Variants in SHOC2 observed in about 807,000 individuals in gnomAD.
SHOC2 encodes SHOC2 leucine rich repeat scaffold protein.
Under a neutral mutation model 50.2 loss-of-function variants are expected in SHOC2, and 4 were observed. That is an observed-to-expected ratio of 0.08 (90% confidence interval 0.04 to 0.18). SHOC2 has a LOEUF of 0.18. Ranked by LOEUF, SHOC2 falls within the 10% of genes least tolerant of loss-of-function variation. The pLI is 1.00. For synonymous variants in SHOC2, 218 were observed against 244.5 expected (o/e 0.89, Z 1.01); for missense variants, 388 against 669.6 (o/e 0.58, Z 4.64).
rs564540609 is a variant in SHOC2 at position 110,936,966 on chromosome 10, G to A, written c.-235+17309G>A. 9.0e-6 allele frequency: 13 copies of A among 1,448,896 alleles called. No homozygotes were observed. The East Asian group carries it at 2.7e-4, about 30-fold the overall frequency. 89.8% of individuals were successfully genotyped at this position (1,448,896 alleles called of 1,614,324 possible). A position where few individuals can be genotyped will look rare whatever the true frequency, so the allele number is the denominator to read the frequency against. ...GCGGCCTGGCCTCGCTTGGTCTTGT[G>A]GGGCAGCATACTTCGCACAGTCAGC... On this transcript the variant is annotated intron_variant, in intron 1 of 8. Coordinates refer to ENST00000369452, the MANE Select transcript of SHOC2 (RefSeq NM_007373.4).
At chr10:110,983,413 G>A in intron 2 of SHOC2, among the ~76,000 whole-genome samples, 1 of 151,866 alleles carries the variant, frequency 6.6e-6, no homozygotes, top group East Asian at 1.9e-4. Flanking sequence ...TTAGATTACT[G>A]ATTTGAGATC....
chr10:110,996,262 C>T (rs1037726888), intron 3 of SHOC2, among the ~76,000 whole-genome samples: 1 of 152,180 alleles, frequency 6.6e-6, no homozygotes, highest in Non-Finnish European at 1.5e-5. Flanking sequence ...GGTGCAGTGG[C>T]TCACGCCTGT....
chr10:110,977,901 T>G (rs1341642830), intron 2 of SHOC2, among the ~76,000 whole-genome samples: 3 of 152,202 alleles, frequency 2.0e-5, no homozygotes, highest in Admixed American at 6.5e-5. Flanking sequence ...TTGCCTAGCC[T>G]TTGGTAGTCT....
At position 110,964,280 on chromosome 10, in the gene SHOC2, T is replaced by A. The variant is rs1348882398; in HGVS notation, c.-79T>A. On this transcript the variant is annotated 5_prime_UTR_variant, in exon 2 of 9. Transcript: ENST00000369452. The surrounding 1 kb of genome is among the most constrained non-coding windows in gnomAD (Gnocchi z 4.9). ...CCAGTACTTTTTTGATTGTGTAGGA[T>A]CTTTGTCTCTTCATCTTTGAATTCA... 22 of 1,554,180 alleles carry A rather than the reference T, an allele frequency of 1.4e-5. No individual in the cohort carries two copies. The highest frequency in any genetic ancestry group is 1.9e-5 in the Non-Finnish European group (22 of 1,151,924).
chr10:110,949,394 G>A (rs145266320), intron 1 of SHOC2, among the ~76,000 whole-genome samples: 86 of 152,158 alleles, frequency 5.7e-4, no homozygotes, highest in African/African-American at 2.1e-3. Flanking sequence ...CATGAAGAAA[G>A]AGAAAATCCA....
intron 2 of SHOC2, among the ~76,000 whole-genome samples, chr10:110,980,402 C>G (rs1847954129): frequency 6.6e-6 from 1 of 152,032 alleles, no homozygotes; most frequent in Non-Finnish European, 1.5e-5. Context: ...GTGATCTGCC[C>G]ACCTCGGCCT....
chr10:110,979,201 A>G (rs1188496998), intron 2 of SHOC2, among the ~76,000 whole-genome samples: 1 of 152,192 alleles, frequency 6.6e-6, no homozygotes, highest in Non-Finnish European at 1.5e-5. Context: ...TGCTGGAGAG[A>G]GGGCTTCAAT....
chr10:111,005,711 A>G (rs1848454188), intron 5 of SHOC2, among the ~76,000 whole-genome samples: 1 of 152,218 alleles, frequency 6.6e-6, no homozygotes. Context: ...AATTCATTGC[A>G]AAAGGAGAAA....
Position 110,954,672 on chromosome 10 carries a change from TAA to T in SHOC2, c.-234-9450_-234-9449del, listed in dbSNP as rs1847423551. The stretch of plus-strand genomic sequence containing the variant: ...GGGATGTATCATAAGCAAATAAACA[TAA>T]AAGAGTAAAGTAATTTCATATACTA... On this transcript the variant is annotated intron_variant, in intron 1 of 8. Transcript: ENST00000369452. Among the ~76,000 whole-genome samples the T allele has an allele frequency of 3.9e-5, 6 of 152,202 alleles. 1 individual carries two copies. The highest frequency in any genetic ancestry group is 1.4e-4 in the African/African-American group (6 of 41,530).
Position 110,967,511 on chromosome 10 carries a change from TAAAC to T in SHOC2, c.703+2453_703+2456del, listed in dbSNP as rs769675023. Among the ~76,000 whole-genome samples, 19 of 152,290 alleles carry T rather than the reference TAAAC, an allele frequency of 1.2e-4. 1 individual carries two copies. In the South Asian group the frequency reaches 3.7e-3, roughly 30 times the overall value. On this transcript the variant is annotated intron_variant, in intron 2 of 8. Transcript: ENST00000369452. ...TACCATACAATATACACATTAAAAA[TAAAC>T]AATTCAGTGGTTTTTAGAATATTCA... is the stretch of plus-strand genomic sequence containing the variant.
chr10:111,012,658 C>G lies in SHOC2; in HGVS notation c.*840C>G, dbSNP rs1335514894. The G allele has an allele frequency of 1.3e-5, 2 of 152,170 alleles. No homozygotes were observed. The highest frequency in any genetic ancestry group is 4.2e-4 in the South Asian group (2 of 4,816). 9.4% of individuals were successfully genotyped at this position (152,170 alleles called of 1,614,324 possible). A position where few individuals can be genotyped will look rare whatever the true frequency, so the allele number is the denominator to read the frequency against. On this transcript the variant is annotated 3_prime_UTR_variant, in exon 9 of 9. Coordinates refer to ENST00000369452, the MANE Select transcript of SHOC2 (RefSeq NM_007373.4). ...GAAAGTTGCAGATCCACAAAACTAA[C>G]AGGATAATTGGGCAAATAAATTACA... is the stretch of plus-strand genomic sequence containing the variant.
chr10:110,964,415 A>G lies in SHOC2; in HGVS notation c.57A>G (p.Pro19=), dbSNP rs1590804293. The change falls in exon 2 of 9, where the codon CCA becomes CCG. Residue 19 remains proline, a synonymous_variant. Transcript: ENST00000369452. The surrounding 1 kb of genome is among the most constrained non-coding windows in gnomAD (Gnocchi z 4.9). ...CTAAAGAAAAAGATCCCAAAGTACCATCAGCCAAGGAAAGAGAAAAGGAGG... is the reference window on the plus strand; with the variant it reads ...CTAAAGAAAAAGATCCCAAAGTACCGTCAGCCAAGGAAAGAGAAAAGGAGG... ...KDSKEKDPKV[P]SAKEREKEAK... 1 of 1,613,184 alleles carries G rather than the reference A, an allele frequency of 6.2e-7. No homozygotes were observed. Among genetic ancestry groups the G allele is most frequent in the Non-Finnish European group, 8.5e-7 (1 of 1,179,832 alleles).
chr10:110,950,401 TG>T, intron 1 of SHOC2, among the ~76,000 whole-genome samples: 1 of 152,314 alleles, frequency 6.6e-6, no homozygotes, highest in East Asian at 1.9e-4. Context: ...AAAGATATCC[TG>T]TTTTTGAATT....
chr10:110,993,123 G>A (rs949215260), intron 3 of SHOC2, among the ~76,000 whole-genome samples: 1 of 152,172 alleles, frequency 6.6e-6, no homozygotes, highest in African/African-American at 2.4e-5. Flanking sequence ...ACAAAGTTAA[G>A]CACTTGAAAG....
At chr10:111,002,045 CAA>C in intron 4 of SHOC2, among the ~76,000 whole-genome samples, 1 of 124,614 alleles carries the variant, frequency 8.0e-6, no homozygotes, top group African/African-American at 3.0e-5. Context: ...GACTTTGTCT[CAA>C]AAAAAAAAAA....
intron 1 of SHOC2, among the ~76,000 whole-genome samples, chr10:110,945,034 C>G (rs980123580): frequency 7.9e-5 from 12 of 152,212 alleles, no homozygotes; most frequent in African/African-American, 2.7e-4. Flanking sequence ...CTTCTAGATT[C>G]CCAGTAATAT....
intron 3 of SHOC2, among the ~76,000 whole-genome samples, chr10:110,990,310 G>T (rs577256976): frequency 1.3e-5 from 2 of 152,126 alleles, no homozygotes; most frequent in Non-Finnish European, 2.9e-5. Flanking sequence ...TTAGCTCAAG[G>T]TTTGTGAGTG....
rs112152302 is a variant in SHOC2, at chr10:110,935,272, C to A, written c.-235+15615C>A. On this transcript the variant is annotated intron_variant, in intron 1 of 8. Transcript: ENST00000369452. ...AGAGGAAGAAACTGAGGCACAGAAA[C>A]TTTAAATGACATGCTAGTAGGTTGT... Among the ~76,000 whole-genome samples, 284 of 152,316 alleles carry A rather than the reference C, an allele frequency of 1.9e-3. 1 individual carries two copies. The highest frequency in any genetic ancestry group is 5.8e-3 in the African/African-American group (240 of 41,574).
chr10:111,000,358 T>TGA (rs1426108870), intron 3 of SHOC2, 57 bp from the exon 4 acceptor site: 3 of 1,568,658 alleles, frequency 1.9e-6, no homozygotes, highest in African/African-American at 1.4e-5. Context: ...CCTGTGACAG[T>TGA]GAGAGGCTCA....
Sources: gnomAD v4.1 joint callset for allele counts (sites outside exome capture counted in the v4.1 genomes callset) on GRCh38, gnomAD v4.1.1 for gene constraint, Gnocchi (gnomAD v3.1) non-coding constraint, MANE v1.5 for transcripts, NCBI Gene and HGNC (gene_info 2026-07-23, HGNC 2026-07-21) for gene names.